The following CNTN5 variants were observed in gnomAD, a reference collection of about 807,000 sequenced individuals.
The protein encoded by CNTN5 is contactin 5.
In CNTN5, 77 loss-of-function variants were observed where a neutral mutation model predicts 129.1. The observed-to-expected ratio is 0.60, with a 90% CI of 0.50 to 0.72. CNTN5 has a LOEUF of 0.72. Among genes scored for constraint, CNTN5 ranks in the 30% least tolerant of loss-of-function variants. The pLI is 0.00. For synonymous variants in CNTN5, 509 were observed against 465.6 expected (o/e 1.09, Z -1.20); for missense variants, 1,478 against 1,328.8 (o/e 1.11, Z -1.75).
intron 13 of CNTN5, among the ~76,000 whole-genome samples, chr11:100,082,569 C>T (rs1015526794): frequency 6.6e-6 from 1 of 152,080 alleles, no homozygotes; most frequent in Non-Finnish European, 1.5e-5. Context: ...TAAGATTATA[C>T]GTGTGAGCCA....
chr11:99,484,920 G>T (rs1014412246), intron 2 of CNTN5, among the ~76,000 whole-genome samples: 28 of 152,106 alleles, frequency 1.8e-4, no homozygotes, highest in African/African-American at 6.5e-4. Flanking sequence ...AAGGGCCGGG[G>T]AGAGGGGAGC....
At chr11:99,328,283 C>T (rs962561170) in intron 2 of CNTN5, among the ~76,000 whole-genome samples, 2 of 152,052 alleles carry the variant, frequency 1.3e-5, no homozygotes, top group African/African-American at 4.8e-5. Context: ...TGAATGAATA[C>T]TCGAAAGAAT....
chr11:100,187,259 T>C (rs1948326005), intron 13 of CNTN5, among the ~76,000 whole-genome samples: 1 of 152,186 alleles, frequency 6.6e-6, no homozygotes, highest in Admixed American at 6.5e-5. Context: ...TTTATTGTAG[T>C]TGTTTATCAG....
intron 1 of CNTN5, among the ~76,000 whole-genome samples, chr11:99,037,786 G>A (rs1017231922): frequency 1.3e-5 from 2 of 151,378 alleles, no homozygotes; most frequent in Admixed American, 6.6e-5. Flanking sequence ...CACCATCTTG[G>A]CCAGGCTGGT....
intron 1 of CNTN5, among the ~76,000 whole-genome samples, chr11:99,310,758 T>A (rs1310359451): frequency 6.6e-6 from 1 of 152,174 alleles, no homozygotes; most frequent in Non-Finnish European, 1.5e-5. Context: ...TTAATATAAA[T>A]GAAATAATAG....
rs545614593 is a variant in CNTN5, at chr11:99,651,247, T to C, written c.55+94978T>C. On this transcript the variant is annotated intron_variant, in intron 3 of 24. Coordinates refer to ENST00000524871, the MANE Select transcript of CNTN5 (RefSeq NM_014361.4). ...AAATCCCACAAACAATCATCAAAAA[T>C]TTAGTAAAATTGATAACATAGTATC... Among the ~76,000 whole-genome samples the C allele has an allele frequency of 1.8e-3, 278 of 152,018 alleles. 2 individuals carry two copies. The highest frequency in any genetic ancestry group is 6.3e-3 in the African/African-American group (263 of 41,516).
intron 2 of CNTN5, among the ~76,000 whole-genome samples, chr11:99,425,402 C>T (rs1353486214): frequency 6.6e-6 from 1 of 152,218 alleles, no homozygotes; most frequent in Non-Finnish European, 1.5e-5. Flanking sequence ...ATCCATGGCG[C>T]CAAGGTTGTT....
intron 8 of CNTN5, among the ~76,000 whole-genome samples, chr11:99,991,275 G>A (rs2137414047): frequency 6.6e-6 from 1 of 152,182 alleles, no homozygotes; most frequent in African/African-American, 2.4e-5. Context: ...AGACCATCCT[G>A]ACTAACACGG....
At chr11:99,763,763 G>C (rs1209493514) in intron 3 of CNTN5, among the ~76,000 whole-genome samples, 2 of 151,992 alleles carry the variant, frequency 1.3e-5, no homozygotes, top group African/African-American at 4.8e-5. Context: ...TTTTAGTCTT[G>C]TGATCTGCAT....
At chr11:99,330,043 C>A (rs1591531275) in intron 2 of CNTN5, among the ~76,000 whole-genome samples, 1 of 150,252 alleles carries the variant, frequency 6.7e-6, no homozygotes, top group Non-Finnish European at 1.5e-5. Flanking sequence ...CATTTTTAAC[C>A]ACCGAGTGGA....
At chr11:99,380,077 G>GTGTT (rs1285831356) in intron 2 of CNTN5, among the ~76,000 whole-genome samples, 4 of 114,988 alleles carry the variant, frequency 3.5e-5, no homozygotes, top group Non-Finnish European at 1.8e-5. Context: ...TCATAATGGT[G>GTGTT]TGTCTGTGTG....
intron 2 of CNTN5, among the ~76,000 whole-genome samples, chr11:99,382,573 A>C (rs1210084016): frequency 6.6e-6 from 1 of 152,058 alleles, no homozygotes; most frequent in African/African-American, 2.4e-5. Flanking sequence ...TGCTTTTACG[A>C]GACTTATTTG....
intron 13 of CNTN5, among the ~76,000 whole-genome samples, chr11:100,150,834 C>CACTT (rs1298219245): frequency 2.0e-5 from 3 of 152,040 alleles, no homozygotes; most frequent in East Asian, 1.9e-4. Flanking sequence ...ATATGTTGAA[C>CACTT]ACTTACCCCC....
chr11:99,482,553 C>T (rs952012122), intron 2 of CNTN5, among the ~76,000 whole-genome samples: 1 of 152,138 alleles, frequency 6.6e-6, no homozygotes, highest in Non-Finnish European at 1.5e-5. Flanking sequence ...TGAAATGTGA[C>T]TTTTCAGTAA....
intron 11 of CNTN5, 21 bp from the exon 12 acceptor site, chr11:100,071,684 A>T (rs1943928785): frequency 2.0e-6 from 3 of 1,529,002 alleles, no homozygotes; most frequent in Non-Finnish European, 2.6e-6. Context: ...TCTAGATCTA[A>T]TTTTTTTAAT....
intron 15 of CNTN5, among the ~76,000 whole-genome samples, chr11:100,196,790 T>G (rs1948649717): frequency 6.6e-6 from 1 of 151,946 alleles, no homozygotes; most frequent in Admixed American, 6.6e-5. Context: ...AAACATTTGA[T>G]CCAATTCATC....
intron 3 of CNTN5, among the ~76,000 whole-genome samples, chr11:99,615,761 T>TG (rs1393339801): frequency 1.3e-5 from 2 of 152,036 alleles, no homozygotes; most frequent in Non-Finnish European, 1.5e-5. Context: ...CATCTTGTTT[T>TG]TTTTTTTTAA....
intron 1 of CNTN5, among the ~76,000 whole-genome samples, chr11:99,124,203 C>T (rs56317051): frequency 0.062 from 9,373 of 151,988 alleles, 317 homozygotes; most frequent in African/African-American, 0.085. Context: ...TTTGATTTCT[C>T]TGAGCAGTGT....
chr11:99,494,697 A>G (rs1020915898), intron 2 of CNTN5, among the ~76,000 whole-genome samples: 1 of 152,174 alleles, frequency 6.6e-6, no homozygotes, highest in African/African-American at 2.4e-5. Flanking sequence ...ATGCTTTCTT[A>G]TATAGCTGAA....
Sources: gnomAD v4.1 joint callset for allele counts (sites outside exome capture counted in the v4.1 genomes callset) on GRCh38, gnomAD v4.1.1 for gene constraint, MANE v1.5 for transcripts, NCBI Gene and HGNC (gene_info 2026-07-23, HGNC 2026-07-21) for gene names.